The following PACRG variants were observed in gnomAD, a reference collection of about 807,000 sequenced individuals.
PACRG encodes the protein parkin coregulated gene protein.
PACRG carries 29 observed loss-of-function variants against 29.7 expected under a neutral mutation model. The observed-to-expected ratio is 0.98, with a 90% CI of 0.73 to 1.33. The LOEUF is 1.33. Ranked by LOEUF, PACRG falls within the 40% of genes most tolerant of loss-of-function variation. The pLI is 0.00. For missense variants in PACRG, 279 were observed against 316.2 expected (o/e 0.88, Z 0.89); for synonymous variants, 116 against 118.7 (o/e 0.98, Z 0.15).
chr6:163,133,694 T>G (rs1405040341), intron 4 of PACRG, among the ~76,000 whole-genome samples: 2 of 152,188 alleles, frequency 1.3e-5, no homozygotes, highest in Non-Finnish European at 2.9e-5. Flanking sequence ...AAAATGGAAA[T>G]GTGGAGCTCT....
At chr6:163,290,043 G>A (rs1784534491) in intron 4 of PACRG, among the ~76,000 whole-genome samples, 1 of 151,820 alleles carries the variant, frequency 6.6e-6, no homozygotes, top group Non-Finnish European at 1.5e-5. Context: ...GACTGGGTTG[G>A]TCAGTTTATA....
chr6:162,977,009 A>G (rs1353209592), intron 2 of PACRG, among the ~76,000 whole-genome samples: 1 of 152,102 alleles, frequency 6.6e-6, no homozygotes, highest in African/African-American at 2.4e-5. Context: ...AGTCCTAAGA[A>G]AAATATAGCG....
intron 4 of PACRG, among the ~76,000 whole-genome samples, chr6:163,237,122 G>A (rs1251758938): frequency 6.6e-6 from 1 of 152,142 alleles, no homozygotes; most frequent in East Asian, 1.9e-4. Flanking sequence ...GTTTGATACA[G>A]GCTTTTGAGA....
At chr6:163,071,021 A>G (rs1044812566) in intron 3 of PACRG, among the ~76,000 whole-genome samples, 3 of 152,124 alleles carry the variant, frequency 2.0e-5, no homozygotes, top group Non-Finnish European at 4.4e-5. Flanking sequence ...TAAGCACCCA[A>G]TACTGGAGCA....
At chr6:162,964,183 A>T (rs1362415643) in intron 2 of PACRG, among the ~76,000 whole-genome samples, 1 of 152,200 alleles carries the variant, frequency 6.6e-6, no homozygotes, top group African/African-American at 2.4e-5. Flanking sequence ...CTGATTTCAC[A>T]TTTCAGCTCT....
intron 1 of PACRG, among the ~76,000 whole-genome samples, chr6:162,740,447 ACTACAGGCG>A (rs1323770800): frequency 2.0e-5 from 3 of 151,158 alleles, no homozygotes; most frequent in Non-Finnish European, 2.9e-5. Flanking sequence ...AATAGCTGGG[ACTACAGGCG>A]CCCACCACCA....
At chr6:162,729,928 TC>T (rs751200446) in intron 1 of PACRG, among the ~76,000 whole-genome samples, 1 of 152,140 alleles carries the variant, frequency 6.6e-6, no homozygotes, top group Non-Finnish European at 1.5e-5. Flanking sequence ...TTAATTGAGA[TC>T]CATTATCTTC....
intron 2 of PACRG, among the ~76,000 whole-genome samples, chr6:163,003,926 T>A (rs1291637426): frequency 6.6e-6 from 1 of 152,290 alleles, no homozygotes; most frequent in Admixed American, 6.5e-5. Flanking sequence ...TCAAATTAGA[T>A]CCACTTGATC....
At chr6:163,284,539 ATTTTATTTTAGATAT>A (rs1342282336) in intron 4 of PACRG, among the ~76,000 whole-genome samples, 2 of 152,240 alleles carry the variant, frequency 1.3e-5, no homozygotes, top group South Asian at 2.1e-4. Flanking sequence ...GATTAATGTT[ATTTTATTTTAGATAT>A]TTTTATTTTA....
chr6:163,134,202 A>T (rs927248810), intron 4 of PACRG, among the ~76,000 whole-genome samples: 1 of 152,180 alleles, frequency 6.6e-6, no homozygotes, highest in African/African-American at 2.4e-5. Flanking sequence ...AGAAAAGCAC[A>T]GGAGTAAGAA....
At chr6:162,795,004 A>G (rs1340632840) in intron 1 of PACRG, among the ~76,000 whole-genome samples, 1 of 151,808 alleles carries the variant, frequency 6.6e-6, no homozygotes, top group African/African-American at 2.4e-5. Flanking sequence ...TGGTGGGGAG[A>G]CCGTTATTTT....
chr6:163,187,236 T>C (rs991867728), intron 4 of PACRG, among the ~76,000 whole-genome samples: 1 of 152,188 alleles, frequency 6.6e-6, no homozygotes. Flanking sequence ...CTCCGTTGTA[T>C]GCCCAACATC....
intron 4 of PACRG, among the ~76,000 whole-genome samples, chr6:163,275,974 T>C (rs1398685183): frequency 6.6e-6 from 1 of 151,698 alleles, no homozygotes; most frequent in African/African-American, 2.4e-5. Flanking sequence ...TTGCTTTTTT[T>C]TTTTATTATT....
chr6:162,984,491 A>C (rs780370455), intron 2 of PACRG, among the ~76,000 whole-genome samples: 26 of 152,034 alleles, frequency 1.7e-4, no homozygotes, highest in Non-Finnish European at 3.7e-4. Context: ...TGCATGTGCA[A>C]GTATCTTTTT....
At chr6:163,133,969 A>G (rs1816834786) in intron 4 of PACRG, among the ~76,000 whole-genome samples, 1 of 152,244 alleles carries the variant, frequency 6.6e-6, no homozygotes, top group South Asian at 2.1e-4. Flanking sequence ...CGTAACTTAT[A>G]TATGTGCATA....
intron 2 of PACRG, among the ~76,000 whole-genome samples, chr6:162,914,204 C>T (rs1796522060): frequency 6.6e-6 from 1 of 151,974 alleles, no homozygotes; most frequent in Non-Finnish European, 1.5e-5. Context: ...ACATCTAGTC[C>T]TATGATCAAT....
chr6:162,784,850 A>G (rs887479752), intron 1 of PACRG, among the ~76,000 whole-genome samples: 2 of 152,188 alleles, frequency 1.3e-5, no homozygotes, highest in Non-Finnish European at 2.9e-5. Flanking sequence ...AAGACATTAC[A>G]AGAAAGAGGT....
intron 4 of PACRG, among the ~76,000 whole-genome samples, chr6:163,298,341 C>A (rs190550835): frequency 4.0e-5 from 6 of 151,696 alleles, no homozygotes; most frequent in South Asian, 2.1e-4. Context: ...ACTAAAGCAA[C>A]CTTAGAGTAG....
At chr6:163,046,334 T>G (rs930915256) in intron 2 of PACRG, among the ~76,000 whole-genome samples, 1 of 95,560 alleles carries the variant, frequency 1.0e-5, no homozygotes, top group Non-Finnish European at 2.4e-5. Context: ...AGCCTTGGTA[T>G]GTACCCTTCA....
Sources: gnomAD v4.1 joint callset for allele counts (sites outside exome capture counted in the v4.1 genomes callset) on GRCh38, gnomAD v4.1.1 for gene constraint, MANE v1.5 for transcripts, NCBI Gene and HGNC (gene_info 2026-07-23, HGNC 2026-07-21) for gene names.